CCDC91: variants seen among roughly 807,000 people sequenced by gnomAD.
The protein encoded by CCDC91 is coiled-coil domain containing 91.
In CCDC91, 48 loss-of-function variants were observed where a neutral mutation model predicts 63.2. The observed-to-expected ratio is 0.76, with a 90% confidence interval of 0.60 to 0.97. The LOEUF is 0.97. Among genes scored for constraint, CCDC91 ranks in the 50% least tolerant of loss-of-function variants. The pLI is 0.00. For synonymous variants in CCDC91, 167 were observed against 165.8 expected, an observed-to-expected ratio of 1.01 and a Z score of -0.06; for missense variants, 500 against 494.6, an observed-to-expected ratio of 1.01 and a Z score of -0.10.
chr12:28,379,312 A>G (rs1945136593), intron 7 of CCDC91, among the ~76,000 whole-genome samples: 1 of 152,056 alleles, frequency 6.6e-6, no homozygotes, highest in Non-Finnish European at 1.5e-5. Flanking sequence ...GGATCTAATT[A>G]AACTAAAGAG....
At chr12:28,391,215 G>A (rs1945921644) in intron 7 of CCDC91, 89 bp from the exon 8 acceptor site, 2 of 692,782 alleles carry the variant, frequency 2.9e-6, no homozygotes, top group East Asian at 2.6e-5. Context: ...TCGTATTACA[G>A]TATGTACAAC....
At chr12:28,221,381 CA>C (rs1192288711) in intron 1 of CCDC91, among the ~76,000 whole-genome samples, 1 of 152,094 alleles carries the variant, frequency 6.6e-6, no homozygotes, top group African/African-American at 2.4e-5. Context: ...CTGTTTCTAT[CA>C]AGTGATTTTT....
chr12:28,424,183 C>T (rs908908868), intron 8 of CCDC91, among the ~76,000 whole-genome samples: 1 of 151,990 alleles, frequency 6.6e-6, no homozygotes, highest in African/African-American at 2.4e-5. Flanking sequence ...TCCTGCCTCA[C>T]CCTCCCAAAG....
At chr12:28,316,142 A>T (rs933675838) in intron 6 of CCDC91, among the ~76,000 whole-genome samples, 1 of 151,838 alleles carries the variant, frequency 6.6e-6, no homozygotes, top group Non-Finnish European at 1.5e-5. Flanking sequence ...TAATATATGT[A>T]GTTTCAATTT....
intron 7 of CCDC91, among the ~76,000 whole-genome samples, chr12:28,365,810 T>A (rs1944233990): frequency 6.6e-6 from 1 of 152,098 alleles, no homozygotes; most frequent in African/African-American, 2.4e-5. Flanking sequence ...CACTTTTACC[T>A]CTCCCTCCCC....
rs144253455 is a variant in CCDC91 at position 28,489,363 on chromosome 12, C to T, written c.1215+5198C>T. On this transcript the variant is annotated intron_variant, in intron 12 of 12. Coordinates refer to ENST00000536442, the MANE Select transcript of CCDC91 (RefSeq NM_018318.5). ...AAAAATGAGATGGGAAAGAATACAT[C>T]CCTGACACTTCCCTAGGGAGGAATA... Among the ~76,000 whole-genome samples the T allele has an allele frequency of 4.0e-3, 612 of 151,806 alleles. 8 individuals are homozygous for T. Among genetic ancestry groups the T allele is most frequent in the African/African-American group, 0.014 (592 of 41,454 alleles).
In CCDC91 at chr12:28,211,659, T is replaced by C. The variant is rs78375656; in HGVS notation, c.-15+21018T>C. On this transcript the variant is annotated intron_variant, in intron 1 of 12. Transcript: ENST00000536442. ...AGAGTTCGTTGCCTCTTGGGTCTAATGTGTAAGCTGGAAGGAACTCAGTTT... is the reference window on the plus strand; with the variant it reads ...AGAGTTCGTTGCCTCTTGGGTCTAACGTGTAAGCTGGAAGGAACTCAGTTT... Among the ~76,000 whole-genome samples, 313 of 152,298 alleles carry C rather than the reference T, an allele frequency of 2.1e-3. 2 individuals are homozygous for C. The highest frequency in any genetic ancestry group is 7.1e-3 in the African/African-American group (295 of 41,576).
Position 28,261,299 on chromosome 12 carries a change from C to T in CCDC91, c.109+1857C>T, listed in dbSNP as rs557346612. Among the ~76,000 whole-genome samples the T allele has an allele frequency of 2.9e-4, 44 of 151,932 alleles. No homozygotes were observed. The South Asian group carries it at 8.5e-3, about 29-fold the overall frequency. ...TGGAGTTCTTGGTTTAGGAGTTTTC[C>T]CATTGATAATGACACTTAAAGTTGT... On this transcript the variant is annotated intron_variant, in intron 3 of 12. Transcript: ENST00000536442.
At chr12:28,334,676 G>C (rs1941788145) in intron 6 of CCDC91, among the ~76,000 whole-genome samples, 1 of 152,090 alleles carries the variant, frequency 6.6e-6, no homozygotes, top group Non-Finnish European at 1.5e-5. Context: ...TTATACTTTA[G>C]AAAATGGTTT....
At chr12:28,461,005 T>A (rs1256444570) in intron 11 of CCDC91, among the ~76,000 whole-genome samples, 1 of 151,962 alleles carries the variant, frequency 6.6e-6, no homozygotes. Context: ...ACCACACACT[T>A]AGGTTATTTA....
At chr12:28,290,217 A>G (rs1350690147) in intron 3 of CCDC91, among the ~76,000 whole-genome samples, 2 of 152,110 alleles carry the variant, frequency 1.3e-5, no homozygotes, top group Non-Finnish European at 2.9e-5. Flanking sequence ...TACATTTAAG[A>G]TAGATCTTAT....
chr12:28,200,934 C>T (rs528662532), intron 1 of CCDC91, among the ~76,000 whole-genome samples: 10 of 147,192 alleles, frequency 6.8e-5, no homozygotes, highest in East Asian at 2.1e-4. Flanking sequence ...CCGGACGGGG[C>T]GGCTGGCCGG....
chr12:28,450,366 G>A lies in CCDC91; in HGVS notation c.872G>A (p.Cys291Tyr), dbSNP rs778485683. Reference protein sequence around the residue: ...SQEQKEILEKCLEEERQRNKE... With the variant: ...SQEQKEILEKYLEEERQRNKE... ...ATTTGACAGGAAATATTGGAAAAGT[G>A]TTTGGAGGAAGAAAGGCAAAGAAAT... The change falls in exon 10 of 13, where the codon TGT becomes TAT. Residue 291 changes from cysteine (C) to tyrosine (Y), a missense_variant. Coordinates refer to ENST00000536442, the MANE Select transcript of CCDC91 (RefSeq NM_018318.5). 2 of 1,612,102 alleles carry A rather than the reference G, an allele frequency of 1.2e-6. No homozygotes were observed. The highest frequency in any genetic ancestry group is 2.2e-5 in the East Asian group (1 of 44,702).
chr12:28,317,717 C>T (rs1025305507), intron 6 of CCDC91, among the ~76,000 whole-genome samples: 5 of 151,628 alleles, frequency 3.3e-5, no homozygotes, highest in Admixed American at 2.6e-4. Context: ...GTTTTATGTC[C>T]ATGTGTAGGG....
At chr12:28,254,574 A>G (rs1233698575) in intron 1 of CCDC91, among the ~76,000 whole-genome samples, 3 of 152,126 alleles carry the variant, frequency 2.0e-5, no homozygotes, top group Admixed American at 2.0e-4. Context: ...TTTACAAGTC[A>G]ATGCTGTTAA....
At chr12:28,269,289 G>A (rs547923701) in intron 3 of CCDC91, among the ~76,000 whole-genome samples, 22 of 151,774 alleles carry the variant, frequency 1.4e-4, no homozygotes, top group Admixed American at 5.3e-4. Context: ...TGTGGCAGGC[G>A]GAGTGGGAGG....
At chr12:28,415,403 A>G (rs1444123251) in intron 8 of CCDC91, among the ~76,000 whole-genome samples, 7 of 151,984 alleles carry the variant, frequency 4.6e-5, no homozygotes, top group Admixed American at 6.6e-5. Flanking sequence ...TTTTATTTTT[A>G]GTAGAGACGG....
chr12:28,461,326 A>G (rs1950301481), intron 11 of CCDC91, among the ~76,000 whole-genome samples: 1 of 152,064 alleles, frequency 6.6e-6, no homozygotes, highest in African/African-American at 2.4e-5. Context: ...ATTAGAGAAT[A>G]TAATCTCTAC....
intron 3 of CCDC91, among the ~76,000 whole-genome samples, chr12:28,292,336 T>G (rs17432330): frequency 0.2 from 30,424 of 152,190 alleles, 3,987 homozygotes; most frequent in Non-Finnish European, 0.3. Flanking sequence ...TTCACCCTTA[T>G]GGCTGATTAA....
Sources: allele counts gnomAD v4.1 joint callset (sites outside exome capture counted in the v4.1 genomes callset), GRCh38; gene constraint gnomAD v4.1.1; transcripts MANE v1.5; gene names NCBI Gene and HGNC (gene_info 2026-07-23, HGNC 2026-07-21).